The following HS3ST2 variants were observed in gnomAD, a reference collection of about 807,000 sequenced individuals.
HS3ST2 encodes heparan sulfate-glucosamine 3-sulfotransferase 2.
Under a neutral mutation model 26.3 loss-of-function variants are expected in HS3ST2, and 17 were observed. The observed-to-expected ratio is 0.65, with a 90% CI of 0.44 to 0.97. The LOEUF (loss-of-function observed/expected upper bound fraction) is 0.97. Among genes scored for constraint, HS3ST2 ranks in the 50% least tolerant of loss-of-function variants. The pLI is 0.00. For synonymous variants in HS3ST2, 237 were observed against 219.2 expected (o/e 1.08, Z -0.72); for missense variants, 402 against 501.2 (o/e 0.80, Z 1.89).
chr16:22,866,407 T>TGTGTGTGTGTGTGTG (rs1491171749), intron 1 of HS3ST2, among the ~76,000 whole-genome samples: 1 of 132,134 alleles, frequency 7.6e-6, no homozygotes, highest in African/African-American at 2.8e-5. Context: ...TGTGTGTGTG[T>TGTGTGTGTGTGTGTG]TGGGGCAGAG....
intron 1 of HS3ST2, among the ~76,000 whole-genome samples, chr16:22,826,473 T>G (rs947424940): frequency 5.3e-5 from 8 of 152,180 alleles, no homozygotes; most frequent in Non-Finnish European, 8.8e-5. Flanking sequence ...CTCACCACCT[T>G]GCTTTATTTA....
At chr16:22,879,317 T>G (rs887084865) in intron 1 of HS3ST2, among the ~76,000 whole-genome samples, 6 of 152,212 alleles carry the variant, frequency 3.9e-5, no homozygotes, top group Non-Finnish European at 8.8e-5. Flanking sequence ...TTCCAGAGCT[T>G]TCTAACAGCT....
At chr16:22,866,103 A>G (rs546090914) in intron 1 of HS3ST2, among the ~76,000 whole-genome samples, 1 of 152,294 alleles carries the variant, frequency 6.6e-6, no homozygotes, top group East Asian at 1.9e-4. Flanking sequence ...CCAGAACAAC[A>G]TGACTGCACT....
chr16:22,834,124 G>C (rs1435205208), intron 1 of HS3ST2, among the ~76,000 whole-genome samples: 1 of 152,108 alleles, frequency 6.6e-6, no homozygotes, highest in African/African-American at 2.4e-5. Flanking sequence ...ATAGGAGAGA[G>C]ACTTTTCTGT....
chr16:22,901,127 C>T (rs1902277611), intron 1 of HS3ST2, among the ~76,000 whole-genome samples: 1 of 152,068 alleles, frequency 6.6e-6, no homozygotes. Flanking sequence ...GTGAAGTTGG[C>T]ATTACCATGA....
At chr16:22,870,718 T>A (rs1439968097) in intron 1 of HS3ST2, among the ~76,000 whole-genome samples, 2 of 152,152 alleles carry the variant, frequency 1.3e-5, no homozygotes, top group Non-Finnish European at 2.9e-5. Context: ...GAGAGCCTCA[T>A]GCCCAGCTCC....
At chr16:22,837,569 A>G (rs1056160785) in intron 1 of HS3ST2, among the ~76,000 whole-genome samples, 1 of 122,670 alleles carries the variant, frequency 8.2e-6, no homozygotes, top group Admixed American at 8.0e-5. Context: ...ATATATACAT[A>G]TATATATATA....
At chr16:22,844,572 A>G (rs1332688908) in intron 1 of HS3ST2, among the ~76,000 whole-genome samples, 1 of 151,776 alleles carries the variant, frequency 6.6e-6, no homozygotes, top group East Asian at 1.9e-4. Context: ...TCAGTGTAGG[A>G]GGAGGGGCCT....
At chr16:22,849,061 T>G (rs1901484628) in intron 1 of HS3ST2, among the ~76,000 whole-genome samples, 1 of 152,202 alleles carries the variant, frequency 6.6e-6, no homozygotes, top group Admixed American at 6.5e-5. Flanking sequence ...TTTACATCTG[T>G]ATGCCTTGTT....
chr16:22,874,044 G>A (rs1028167835), intron 1 of HS3ST2, among the ~76,000 whole-genome samples: 27 of 152,292 alleles, frequency 1.8e-4, no homozygotes, highest in Middle Eastern at 3.4e-3. Context: ...CCATGTTTGC[G>A]ACTATCCTGT....
At chr16:22,839,256 G>A (rs563783244) in intron 1 of HS3ST2, among the ~76,000 whole-genome samples, 1 of 152,358 alleles carries the variant, frequency 6.6e-6, no homozygotes, top group South Asian at 2.1e-4. Flanking sequence ...GACTCAGCAA[G>A]GCTCACAGGC....
intron 1 of HS3ST2, among the ~76,000 whole-genome samples, chr16:22,836,535 T>C (rs73543142): frequency 0.019 from 2,862 of 152,296 alleles, 93 homozygotes; most frequent in African/African-American, 0.063. Context: ...TCTCCATTAA[T>C]TTATACCTTT....
intron 1 of HS3ST2, among the ~76,000 whole-genome samples, chr16:22,824,225 C>G (rs1901046307): frequency 6.6e-6 from 1 of 152,192 alleles, no homozygotes. Flanking sequence ...ACCTTTTCTT[C>G]CATTCTGGAA....
intron 1 of HS3ST2, among the ~76,000 whole-genome samples, chr16:22,901,734 C>G (rs1902284257): frequency 6.6e-6 from 1 of 152,162 alleles, no homozygotes; most frequent in Non-Finnish European, 1.5e-5. Flanking sequence ...TCCAAGAGAG[C>G]TTCTTGAGAA....
At chr16:22,904,887 C>T (rs1417067679) in intron 1 of HS3ST2, among the ~76,000 whole-genome samples, 1 of 152,170 alleles carries the variant, frequency 6.6e-6, no homozygotes, top group Non-Finnish European at 1.5e-5. Flanking sequence ...GAAATGGTCC[C>T]ACGGTATGAG....
intron 1 of HS3ST2, among the ~76,000 whole-genome samples, chr16:22,849,100 T>TC (rs1463218791): frequency 6.6e-6 from 1 of 152,210 alleles, no homozygotes; most frequent in Non-Finnish European, 1.5e-5. Flanking sequence ...GGAATGATCT[T>TC]CCGTGTGGCA....
At chr16:22,905,432 T>G (rs1283621005) in intron 1 of HS3ST2, among the ~76,000 whole-genome samples, 2 of 151,818 alleles carry the variant, frequency 1.3e-5, no homozygotes, top group African/African-American at 4.8e-5. Flanking sequence ...TTGTTTTTTT[T>G]TTTTTCTCTT....
chr16:22,865,046 T>G (rs983975682), intron 1 of HS3ST2, among the ~76,000 whole-genome samples: 8 of 76,384 alleles, frequency 1.0e-4, no homozygotes, highest in Non-Finnish European at 1.5e-4. Flanking sequence ...TAAGACCCTA[T>G]CTCAAAAAAA....
intron 1 of HS3ST2, among the ~76,000 whole-genome samples, chr16:22,899,483 C>A (rs1467661917): frequency 6.6e-6 from 1 of 152,034 alleles, no homozygotes; most frequent in African/African-American, 2.4e-5. Flanking sequence ...AGAAAGGGAA[C>A]GGTCTGAAAT....
Sources: allele counts gnomAD v4.1 joint callset (sites outside exome capture counted in the v4.1 genomes callset), GRCh38; gene constraint gnomAD v4.1.1; transcripts MANE v1.5; gene names NCBI Gene and HGNC (gene_info 2026-07-23, HGNC 2026-07-21).